The following ANK2 variants were observed in gnomAD, a reference collection of about 807,000 sequenced individuals.
ANK2 encodes the protein ankyrin-2.
In ANK2, 83 loss-of-function variants were observed where a neutral mutation model predicts 360.5. The observed-to-expected ratio is 0.23, with a 90% CI of 0.19 to 0.28. The LOEUF is 0.28. Among genes scored for constraint, ANK2 ranks in the 10% least tolerant of loss-of-function variants. The pLI is 1.00. For missense variants in ANK2, 4,201 were observed against 4,795.7 expected (o/e 0.88, Z 3.66); for synonymous variants, 1,740 against 1,759.5 (o/e 0.99, Z 0.28).
At chr4:112,913,791 C>G (rs2088644272) in intron 2 of ANK2, among the ~76,000 whole-genome samples, 1 of 152,080 alleles carries the variant, frequency 6.6e-6, no homozygotes, top group Non-Finnish European at 1.5e-5. Context: ...AGTGCATGGA[C>G]TAGAGTTTGA....
intron 39 of ANK2, among the ~76,000 whole-genome samples, chr4:113,362,393 A>G (rs1257543764): frequency 3.3e-5 from 5 of 152,138 alleles, no homozygotes; most frequent in Non-Finnish European, 7.4e-5. Context: ...CACACACCCC[A>G]TAATGTATAA....
At chr4:112,946,992 G>A (rs2094582507) in intron 2 of ANK2, among the ~76,000 whole-genome samples, 1 of 152,132 alleles carries the variant, frequency 6.6e-6, no homozygotes, top group Non-Finnish European at 1.5e-5. Context: ...GACAACCTTT[G>A]CCAGTTAACT....
rs771826064 is a variant in ANK2 at position 113,356,164 on chromosome 4, A to G, written c.7546A>G (p.Ser2516Gly). 34 of 1,613,886 alleles carry G rather than the reference A, an allele frequency of 2.1e-5. No individual in the cohort carries two copies. Among genetic ancestry groups the G allele is most frequent in the Non-Finnish European group, 2.7e-5 (32 of 1,179,980 alleles). ...CCGGCTACTCCGAGACCCTGATGGC[A>G]GTGCTGAGGATGACAGTCTTGAGCA... Reference protein sequence around the residue: ...RSRLLRDPDGSAEDDSLEQTS... With the variant: ...RSRLLRDPDGGAEDDSLEQTS... Residue 2516 changes from serine to glycine, a missense_variant, in exon 38 of 46, where the codon AGT becomes GGT. This residue lies in a region of ANK2 where 2,642 missense variants were observed against 2,714.5 expected (regional missense o/e 0.97). Coordinates refer to ENST00000357077, the MANE Select transcript of ANK2 (RefSeq NM_001148.6).
At chr4:113,018,946 A>G (rs558319175) in intron 2 of ANK2, among the ~76,000 whole-genome samples, 105 of 152,326 alleles carry the variant, frequency 6.9e-4, no homozygotes, top group African/African-American at 2.4e-3. Flanking sequence ...CATAATTCTA[A>G]GGTGAAGCTG....
intron 45 of ANK2, among the ~76,000 whole-genome samples, chr4:113,373,916 CTT>C (rs774286115): frequency 6.6e-6 from 1 of 151,986 alleles, no homozygotes; most frequent in Non-Finnish European, 1.5e-5. Flanking sequence ...TCGAGAAACT[CTT>C]TGATTTATCC....
At chr4:112,742,962 C>T in the ANK2 span, among the ~76,000 whole-genome samples, 1 of 152,162 alleles carries the variant, frequency 6.6e-6, no homozygotes, top group East Asian at 1.9e-4. Flanking sequence ...CCTCTCATTC[C>T]ACATCTTCTG....
chr4:113,335,804 A>G lies in ANK2; in HGVS notation c.3380-42A>G, dbSNP rs184283500. On this transcript the variant is annotated intron_variant, in intron 29 of 45. Transcript: ENST00000357077. ...TTGGCTAGAATGCTGTTAGAAGGAAATCTTTGCTATGTGAATGAAGGTGGG... is the reference window on the plus strand; with the variant it reads ...TTGGCTAGAATGCTGTTAGAAGGAAGTCTTTGCTATGTGAATGAAGGTGGG... The G allele has an allele frequency of 5.1e-5, 81 of 1,579,014 alleles. 1 individual carries two copies. In the Middle Eastern group the frequency reaches 1.0e-3, roughly 19 times the overall value.
In ANK2 at chr4:113,373,165, G is replaced by T. The variant is rs768664692; in HGVS notation, c.11686G>T (p.Val3896Leu). 7.4e-6 allele frequency: 12 copies of T among 1,613,962 alleles called. No homozygotes were observed. The highest frequency in any genetic ancestry group is 1.0e-5 in the Non-Finnish European group (12 of 1,179,860). Residue 3896 changes from valine to leucine, a missense_variant, in exon 44 of 46, where the codon GTA becomes TTA. Physicochemically the swap from Val to Leu is conservative, Grantham distance 32. Coordinates refer to ENST00000357077, the MANE Select transcript of ANK2 (RefSeq NM_001148.6). ...CATTGATGAGCATGGACACACCGTG[G>T]TAAAGAAGGTATTGTCTAGTATATC... ...EYIDEHGHTV[V>L]KKVTRKIIRR...
intron 15 of ANK2, among the ~76,000 whole-genome samples, chr4:113,276,361 G>T (rs530673666): frequency 1.3e-5 from 2 of 152,304 alleles, no homozygotes; most frequent in African/African-American, 4.8e-5. Flanking sequence ...GAAGGCAGAT[G>T]TGTGACTCAA....
chr4:112,902,025 C>T (rs1337507656), intron 1 of ANK2, among the ~76,000 whole-genome samples: 1 of 152,136 alleles, frequency 6.6e-6, no homozygotes, highest in African/African-American at 2.4e-5. Context: ...CAAGACACTG[C>T]ATCATTAAGA....
chr4:112,828,790 A>T (rs1188995222), intron 1 of ANK2, among the ~76,000 whole-genome samples: 1 of 152,236 alleles, frequency 6.6e-6, no homozygotes, highest in Non-Finnish European at 1.5e-5. Flanking sequence ...AAGTCTATGT[A>T]TCCAGCAAAC....
intron 1 of ANK2, among the ~76,000 whole-genome samples, chr4:112,900,073 G>T (rs777232929): frequency 2.8e-4 from 42 of 152,018 alleles, no homozygotes; most frequent in Admixed American, 5.9e-4. Context: ...ATAATATAAG[G>T]TGTCTCATGT....
intron 1 of ANK2, among the ~76,000 whole-genome samples, chr4:112,830,136 G>A (rs1053261046): frequency 1.2e-4 from 19 of 152,212 alleles, no homozygotes; most frequent in East Asian, 5.8e-4. Context: ...TTGACACAGC[G>A]TCTCATCACT....
chr4:112,706,053 G>A, the ANK2 span, among the ~76,000 whole-genome samples: 3 of 150,892 alleles, frequency 2.0e-5, no homozygotes, highest in Non-Finnish European at 4.5e-5. Context: ...GAGACTCCGG[G>A]CGGGCGCGGG....
chr4:112,707,767 CT>C, the ANK2 span, among the ~76,000 whole-genome samples: 1 of 152,116 alleles, frequency 6.6e-6, no homozygotes, highest in Non-Finnish European at 1.5e-5. Context: ...CTGTAAAGCA[CT>C]TTTATTGATC....
intron 2 of ANK2, among the ~76,000 whole-genome samples, chr4:112,983,474 C>T (rs930531001): frequency 4.6e-5 from 7 of 151,174 alleles, no homozygotes; most frequent in Admixed American, 1.3e-4. Flanking sequence ...GTTGGGAGAT[C>T]GAGACCAGCC....
chr4:113,028,880 G>A (rs2059812214), intron 2 of ANK2, among the ~76,000 whole-genome samples: 1 of 152,104 alleles, frequency 6.6e-6, no homozygotes, highest in Non-Finnish European at 1.5e-5. Context: ...ATTACATATT[G>A]CTGTATGTGA....
intron 1 of ANK2, among the ~76,000 whole-genome samples, chr4:113,168,497 T>A (rs2097834174): frequency 1.3e-5 from 2 of 152,344 alleles, no homozygotes; most frequent in South Asian, 4.1e-4. Flanking sequence ...TCTCTGAAGA[T>A]TAGGGGACCT....
At chr4:113,265,021 C>T (rs1349799835) in intron 14 of ANK2, 26 bp downstream of exon 14, 2 of 1,547,418 alleles carry the variant, frequency 1.3e-6, no homozygotes, top group Non-Finnish European at 1.8e-6. Context: ...CTGAGGTTCT[C>T]TTCTATCGCA....
Sources: gnomAD v4.1 joint callset for allele counts (sites outside exome capture counted in the v4.1 genomes callset) on GRCh38, gnomAD v4.1.1 for gene constraint, gnomAD v4.1.1 regional missense constraint, MANE v1.5 for transcripts, NCBI Gene and HGNC (gene_info 2026-07-23, HGNC 2026-07-21) for gene names.